DPP6: variants seen among roughly 807,000 people sequenced by gnomAD.
The protein encoded by DPP6 is dipeptidyl peptidase like 6.
DPP6 carries 69 observed loss-of-function variants against 122.6 expected under a neutral mutation model. The ratio of observed to expected loss-of-function variants is 0.56; its 90% CI spans 0.46 to 0.69. The LOEUF (loss-of-function observed/expected upper bound fraction) is 0.69. Among genes scored for constraint, DPP6 ranks in the 30% least tolerant of loss-of-function variants. The pLI is 0.00. For missense variants in DPP6, 928 were observed against 1,116.9 expected (o/e 0.83, Z 2.41); for synonymous variants, 418 against 433.1 (o/e 0.97, Z 0.43).
At chr7:154,257,888 G>C (rs1056783533) in intron 1 of DPP6, among the ~76,000 whole-genome samples, 1 of 152,182 alleles carries the variant, frequency 6.6e-6, no homozygotes, top group Non-Finnish European at 1.5e-5. Flanking sequence ...TTTGGCTTCT[G>C]TTGGTTAGCA....
intron 1 of DPP6, among the ~76,000 whole-genome samples, chr7:154,115,895 C>T (rs1563214124): frequency 2.0e-5 from 3 of 152,070 alleles, no homozygotes; most frequent in Admixed American, 6.5e-5. Context: ...CATAGACAAA[C>T]GATCAATGCA....
intron 3 of DPP6, among the ~76,000 whole-genome samples, chr7:154,533,681 C>T (rs1474662159): frequency 1.3e-5 from 2 of 151,972 alleles, no homozygotes; most frequent in South Asian, 2.1e-4. Flanking sequence ...GGCAAAAATG[C>T]CTGGCAAAAT....
chr7:154,169,385 C>T (rs1475574311), intron 1 of DPP6, among the ~76,000 whole-genome samples: 2 of 152,152 alleles, frequency 1.3e-5, no homozygotes, highest in African/African-American at 4.8e-5. Context: ...ATGAATCAGG[C>T]AAGCAGTTGG....
intron 8 of DPP6, among the ~76,000 whole-genome samples, chr7:154,748,517 G>A (rs187328315): frequency 3.9e-5 from 6 of 152,326 alleles, no homozygotes; most frequent in African/African-American, 1.4e-4. Flanking sequence ...ACTAGACAAC[G>A]CCAAGAGAAT....
Position 154,821,655 on chromosome 7 carries a change from T to TATATACACAC in DPP6, c.1666+14548_1666+14549insCACACATATA, listed in dbSNP as rs1563249217. ...ATATATATATATATATACACATATA[T>TATATACACAC]ATATATATACACATATATATATACA... On this transcript the variant is annotated intron_variant, in intron 16 of 25. Transcript: ENST00000377770. The surrounding 1 kb of genome is among the most constrained non-coding windows in gnomAD (Gnocchi z 4.2). Among the ~76,000 whole-genome samples, 7 of 137,818 alleles carry TATATACACAC rather than the reference T, an allele frequency of 5.1e-5. No individual in the cohort carries two copies. Among genetic ancestry groups the TATATACACAC allele is most frequent in the Non-Finnish European group, 9.2e-5 (6 of 65,354 alleles). 90.4% of individuals were successfully genotyped at this position (137,818 alleles called of 152,430 possible).
In DPP6 at chr7:154,820,731, T is replaced by C. The variant is rs556402483; in HGVS notation, c.1666+13619T>C. Among the ~76,000 whole-genome samples, 119 of 152,238 alleles carry C rather than the reference T, an allele frequency of 7.8e-4. 1 individual carries two copies. The highest frequency in any genetic ancestry group is 2.7e-3 in the African/African-American group (112 of 41,560). Reference sequence around the variant, plus strand: ...GAATGTAATCTCTTGGTAGAGGCTTTAGAAGGAGAGATTGGGGAGAAGGAA... The same window carrying C: ...GAATGTAATCTCTTGGTAGAGGCTTCAGAAGGAGAGATTGGGGAGAAGGAA... On this transcript the variant is annotated intron_variant, in intron 16 of 25. Transcript: ENST00000377770.
intron 1 of DPP6, among the ~76,000 whole-genome samples, chr7:154,115,801 GA>G (rs777618730): frequency 7.9e-5 from 12 of 152,144 alleles, no homozygotes; most frequent in Non-Finnish European, 1.6e-4. Flanking sequence ...AAGTTATTGT[GA>G]ATACACAACC....
chr7:153,856,245 C>T, the DPP6 span, among the ~76,000 whole-genome samples: 53,838 of 151,980 alleles, frequency 0.35, 10,290 homozygotes, highest in East Asian at 0.55. Flanking sequence ...GCTAGGGGTA[C>T]GGTTGAGGAT....
the DPP6 span, among the ~76,000 whole-genome samples, chr7:153,800,359 A>G: frequency 6.6e-6 from 1 of 152,224 alleles, no homozygotes; most frequent in Non-Finnish European, 1.5e-5. Flanking sequence ...CTCATATTTA[A>G]GAGCTAAAAA....
chr7:153,974,853 C>T (rs1796211708), intron 1 of DPP6, among the ~76,000 whole-genome samples: 1 of 152,194 alleles, frequency 6.6e-6, no homozygotes, highest in Non-Finnish European at 1.5e-5. Context: ...AGCAGCCCTG[C>T]ATGCAGCAAA....
At chr7:154,613,727 A>G (rs1439546147) in intron 5 of DPP6, among the ~76,000 whole-genome samples, 1 of 151,038 alleles carries the variant, frequency 6.6e-6, no homozygotes. Context: ...CTTTGTCTGC[A>G]ACCCTACATT....
chr7:154,015,296 C>A (rs1052219331), intron 1 of DPP6, among the ~76,000 whole-genome samples: 1 of 152,098 alleles, frequency 6.6e-6, no homozygotes, highest in African/African-American at 2.4e-5. Flanking sequence ...TGTCTTCCCG[C>A]GTGACCTCTC....
chr7:154,695,283 C>T (rs946949202), intron 7 of DPP6, among the ~76,000 whole-genome samples: 1 of 152,150 alleles, frequency 6.6e-6, no homozygotes, highest in Non-Finnish European at 1.5e-5. Flanking sequence ...TGTGAGGGAA[C>T]TAGGTCAGCA....
chr7:153,875,298 T>C, the DPP6 span, among the ~76,000 whole-genome samples: 1 of 152,088 alleles, frequency 6.6e-6, no homozygotes, highest in Admixed American at 6.5e-5. Context: ...ATAAGGACAT[T>C]TTTTTGAAAA....
intron 2 of DPP6, among the ~76,000 whole-genome samples, chr7:154,447,730 C>G (rs548049601): frequency 2.0e-5 from 3 of 151,984 alleles, no homozygotes; most frequent in Non-Finnish European, 2.9e-5. Context: ...ACACCATGAC[C>G]AAATAGGATA....
intron 5 of DPP6, among the ~76,000 whole-genome samples, chr7:154,590,958 C>CA (rs1832778370): frequency 6.6e-6 from 1 of 152,208 alleles, no homozygotes; most frequent in Non-Finnish European, 1.5e-5. Context: ...CACTGGACCA[C>CA]AGTGATGGGC....
intron 1 of DPP6, among the ~76,000 whole-genome samples, chr7:154,114,937 G>C (rs901961952): frequency 2.6e-5 from 4 of 152,244 alleles, no homozygotes; most frequent in African/African-American, 4.8e-5. Context: ...TGAGGCAGGA[G>C]TGGAGGAAGG....
At chr7:154,703,962 T>C (rs1423299687) in intron 7 of DPP6, among the ~76,000 whole-genome samples, 1 of 152,062 alleles carries the variant, frequency 6.6e-6, no homozygotes, top group Non-Finnish European at 1.5e-5. Context: ...AAAAATACGT[T>C]TCATAAAGCT....
intron 1 of DPP6, among the ~76,000 whole-genome samples, chr7:154,088,098 G>A (rs1325143456): frequency 1.3e-5 from 2 of 152,180 alleles, no homozygotes; most frequent in Admixed American, 1.3e-4. Context: ...GAGTGATGGA[G>A]TGATGGGAAG....
Sources: gnomAD v4.1 joint callset for allele counts (sites outside exome capture counted in the v4.1 genomes callset) on GRCh38, gnomAD v4.1.1 for gene constraint, Gnocchi (gnomAD v3.1) non-coding constraint, MANE v1.5 for transcripts, NCBI Gene and HGNC (gene_info 2026-07-23, HGNC 2026-07-21) for gene names.